Variants in NBAS observed in about 807,000 individuals in gnomAD.
The protein encoded by NBAS is NAG/BC035112 fusion.
In NBAS, 219 loss-of-function variants were observed where a neutral mutation model predicts 302.5. That is an observed-to-expected ratio of 0.72 (90% CI 0.65 to 0.81). NBAS has a LOEUF of 0.81. NBAS is among the 30% of genes least tolerant of loss of function. The pLI, the probability that NBAS is intolerant of heterozygous loss-of-function variation, is 0.00. For synonymous variants in NBAS, 1,118 were observed against 1,021.6 expected (o/e 1.09, Z -1.80); for missense variants, 2,932 against 2,841.6 (o/e 1.03, Z -0.72).
the NBAS span, among the ~76,000 whole-genome samples, chr2:14,905,766 GGGT>G: frequency 6.6e-6 from 1 of 152,308 alleles, no homozygotes; most frequent in South Asian, 2.1e-4. Context: ...TAAGGATAGA[GGGT>G]GGTTGCTGAA....
rs749428179 is a variant in NBAS at position 15,374,740 on chromosome 2, T to C, written c.3591-20A>G. 1.3e-6 allele frequency: 2 copies of C among 1,599,534 alleles called. No homozygotes were observed. Among genetic ancestry groups the C allele is most frequent in the East Asian group, 2.2e-5 (1 of 44,732 alleles). Reference sequence around the variant, plus strand: ...CAGCACCTAGAAGAAATTAGATAAATTTTTAAAAAGAAGCAACATATGTTC... The same window carrying C: ...CAGCACCTAGAAGAAATTAGATAAACTTTTAAAAAGAAGCAACATATGTTC... On this transcript the variant is annotated intron_variant, in intron 30 of 51. Coordinates refer to ENST00000281513, the MANE Select transcript of NBAS (RefSeq NM_015909.4).
At chr2:14,788,699 G>C in the NBAS span, among the ~76,000 whole-genome samples, 2 of 152,158 alleles carry the variant, frequency 1.3e-5, no homozygotes, top group Non-Finnish European at 2.9e-5. Context: ...TCTCAGAGGA[G>C]TACCTGGCCG....
chr2:15,031,895 G>A, the NBAS span, among the ~76,000 whole-genome samples: 1 of 152,200 alleles, frequency 6.6e-6, no homozygotes, highest in Admixed American at 6.5e-5. Flanking sequence ...CCTCCTGAAA[G>A]CCCAAGAGAC....
At chr2:15,237,634 C>T (rs4668887) in intron 45 of NBAS, among the ~76,000 whole-genome samples, 16,386 of 150,730 alleles carry the variant, frequency 0.11, 1,184 homozygotes, top group East Asian at 0.31. Flanking sequence ...CTCGCTCTGT[C>T]GCCCAGGCTG....
intron 21 of NBAS, among the ~76,000 whole-genome samples, chr2:15,459,696 G>A (rs1030692747): frequency 6.6e-6 from 1 of 151,970 alleles, no homozygotes; most frequent in South Asian, 2.1e-4. Context: ...AGCCAGGATG[G>A]TCTCGATCTC....
intron 6 of NBAS, among the ~76,000 whole-genome samples, chr2:15,544,452 C>G (rs1319096215): frequency 6.6e-6 from 1 of 151,982 alleles, no homozygotes; most frequent in Non-Finnish European, 1.5e-5. Flanking sequence ...AAAGATGCCA[C>G]AACAAATTTA....
rs529905380 is a variant in NBAS at position 15,473,159 on chromosome 2, C to T, written c.1725+63G>A. 4.5e-5 allele frequency: 71 copies of T among 1,568,844 alleles called. No individual in the cohort carries two copies. The South Asian group carries it at 7.8e-4, about 17-fold the overall frequency. The stretch of plus-strand genomic sequence containing the variant: ...ATGTAAAGTACTCTAAAATGAAGCC[C>T]TATAAACAAAAGATATTACATGAAT... On this transcript the variant is annotated intron_variant, in intron 16 of 51. Transcript: ENST00000281513.
chr2:15,175,368 G>C (rs1050366678), intron 51 of NBAS, among the ~76,000 whole-genome samples: 1 of 152,144 alleles, frequency 6.6e-6, no homozygotes, highest in East Asian at 1.9e-4. Context: ...CAGTACCAAA[G>C]AGGAGGAAGC....
chr2:14,833,359 C>T, the NBAS span, among the ~76,000 whole-genome samples: 13 of 152,160 alleles, frequency 8.5e-5, no homozygotes, highest in Non-Finnish European at 1.2e-4. Context: ...CTATAGATAA[C>T]GGATCAGAGA....
the NBAS span, among the ~76,000 whole-genome samples, chr2:14,964,480 T>C: frequency 6.6e-6 from 1 of 152,064 alleles, no homozygotes; most frequent in African/African-American, 2.4e-5. Context: ...GATCAATTCA[T>C]GAAGAGGACA....
At chr2:14,818,646 A>G in the NBAS span, among the ~76,000 whole-genome samples, 4 of 152,190 alleles carry the variant, frequency 2.6e-5, no homozygotes, top group Non-Finnish European at 4.4e-5. Context: ...ATTTTGATTA[A>G]TTTGCGACAG....
At chr2:15,206,263 C>G (rs935823591) in intron 48 of NBAS, among the ~76,000 whole-genome samples, 2 of 152,154 alleles carry the variant, frequency 1.3e-5, no homozygotes, top group Non-Finnish European at 2.9e-5. Context: ...TTTAGGGAAT[C>G]TGGCAGAAAT....
chr2:15,467,859 T>C, intron 17 of NBAS, 55 bp from the exon 18 acceptor site: 1 of 1,385,038 alleles, frequency 7.2e-7, no homozygotes. Flanking sequence ...CTTCGTGTTG[T>C]GAAAAGCTTT....
At chr2:14,952,707 C>A in the NBAS span, among the ~76,000 whole-genome samples, 2 of 152,192 alleles carry the variant, frequency 1.3e-5, no homozygotes, top group Non-Finnish European at 2.9e-5. Flanking sequence ...ATCTTCCCAG[C>A]AGGGAGTCTT....
the NBAS span, among the ~76,000 whole-genome samples, chr2:15,121,656 T>C: frequency 2.6e-5 from 4 of 152,204 alleles, no homozygotes; most frequent in Non-Finnish European, 5.9e-5. Context: ...GTATTCATAG[T>C]ACTGGGTCTT....
At chr2:15,401,660 T>G (rs79969138) in intron 26 of NBAS, among the ~76,000 whole-genome samples, 2,060 of 152,236 alleles carry the variant, frequency 0.014, 33 homozygotes, top group East Asian at 0.059. Flanking sequence ...ACATACAAAT[T>G]TGACTTGCAT....
chr2:14,793,678 A>C, the NBAS span, among the ~76,000 whole-genome samples: 2 of 152,188 alleles, frequency 1.3e-5, no homozygotes, highest in African/African-American at 4.8e-5. Flanking sequence ...AAAATGTTCC[A>C]AATTTGGTAA....
the NBAS span, among the ~76,000 whole-genome samples, chr2:14,831,910 A>G: frequency 2.4e-3 from 358 of 152,330 alleles, no homozygotes; most frequent in African/African-American, 7.8e-3. Flanking sequence ...AAATAGTCAC[A>G]TGGGGACAGA....
At chr2:15,332,241 C>T (rs563003923) in intron 35 of NBAS, among the ~76,000 whole-genome samples, 2 of 152,192 alleles carry the variant, frequency 1.3e-5, no homozygotes, top group South Asian at 2.1e-4. Context: ...ACAGCCTTGT[C>T]GGCACCTTGA....
Sources: allele counts gnomAD v4.1 joint callset (sites outside exome capture counted in the v4.1 genomes callset), GRCh38; gene constraint gnomAD v4.1.1; transcripts MANE v1.5; gene names NCBI Gene and HGNC (gene_info 2026-07-23, HGNC 2026-07-21).